BZW1: variants seen among roughly 807,000 people sequenced by gnomAD.
BZW1 encodes the protein eIF5-mimic protein 2.
BZW1 carries 3 observed loss-of-function variants against 54.1 expected under a neutral mutation model. The ratio of observed to expected loss-of-function variants is 0.06; its 90% CI spans 0.03 to 0.14. The LOEUF (loss-of-function observed/expected upper bound fraction) is 0.14. Among genes scored for constraint, BZW1 ranks in the 10% least tolerant of loss-of-function variants. BZW1 has a pLI of 1.00. For missense variants in BZW1, 206 were observed against 491.7 expected, an observed-to-expected ratio of 0.42 and a Z score of 5.50; for synonymous variants, 152 against 162.7, an observed-to-expected ratio of 0.93 and a Z score of 0.50.
In BZW1 at chr2:200,812,591, T is replaced by C. The variant is rs1426000899; in HGVS notation, c.-11+601T>C. 1.5e-5 allele frequency: 21 copies of C among 1,391,930 alleles called. No homozygotes were observed. The East Asian group carries it at 4.8e-4, about 32-fold the overall frequency. 86.2% of individuals were successfully genotyped at this position (1,391,930 alleles called of 1,614,324 possible). ...TGATCTGTGGCTCGGGCGGGAGGCATGGGAAGGGTGTGGATTGGGAGACAC... is the reference window on the plus strand; with the variant it reads ...TGATCTGTGGCTCGGGCGGGAGGCACGGGAAGGGTGTGGATTGGGAGACAC... On this transcript the variant is annotated intron_variant, in intron 1 of 11. Transcript: ENST00000409600.
At chr2:200,813,020 A>C (rs1442046707) in intron 1 of BZW1, 188 bp from the exon 2 acceptor site, 1 of 695,320 alleles carries the variant, frequency 1.4e-6, no homozygotes, top group Non-Finnish European at 2.7e-6. Context: ...AGAGAAATGC[A>C]CATTTTGACG....
At chr2:200,812,418 C>T (rs953128957) in intron 1 of BZW1, 76 of 1,279,744 alleles carry the variant, frequency 5.9e-5, no homozygotes, top group Non-Finnish European at 7.1e-5. Context: ...ATGTACGGGG[C>T]GCCTGGGGCC....
intron 1 of BZW1, chr2:200,812,450 A>G: frequency 7.5e-7 from 1 of 1,329,102 alleles, no homozygotes; most frequent in Non-Finnish European, 9.6e-7. Context: ...CGCCTCAGTG[A>G]CTGTGGTCCG....
chr2:200,820,528 A>G (rs2105703266), intron 10 of BZW1, among the ~76,000 whole-genome samples: 1 of 152,290 alleles, frequency 6.6e-6, no homozygotes, highest in East Asian at 1.9e-4. Flanking sequence ...AAAAAAATAA[A>G]AAATTAGGCA....
intron 9 of BZW1, 91 bp downstream of exon 9, chr2:200,818,992 A>G: frequency 1.4e-6 from 2 of 1,427,452 alleles, no homozygotes; most frequent in Non-Finnish European, 1.9e-6. Context: ...AGGATTTATC[A>G]CATCCTGTGG....
chr2:200,816,967 A>G (rs2038319053), intron 5 of BZW1, 139 bp from the exon 6 acceptor site: 1 of 997,384 alleles, frequency 1.0e-6, no homozygotes, highest in East Asian at 2.6e-5. Context: ...GCTAATGAGT[A>G]TTGTAACTTA....
rs192695371 is a variant in BZW1, at chr2:200,821,441, G to A, written c.1228+136G>A. The stretch of plus-strand genomic sequence containing the variant: ...AGATTTTTGTTATAAGGCAGGTGGC[G>A]AAAGCTAGAGTTTAATTATTATAGT... On this transcript the variant is annotated intron_variant, in intron 11 of 11. Coordinates refer to ENST00000409600, the MANE Select transcript of BZW1 (RefSeq NM_001207067.2). 49 of 971,772 alleles carry A rather than the reference G, an allele frequency of 5.0e-5. No homozygotes were observed. The Middle Eastern group carries it at 1.9e-3, about 38-fold the overall frequency. 60.2% of individuals were successfully genotyped at this position (971,772 alleles called of 1,614,324 possible). A position where few individuals can be genotyped will look rare whatever the true frequency, so the allele number is the denominator to read the frequency against.
Position 200,826,547 on chromosome 2 carries a change from C to T in BZW1, c.*4369C>T, listed in dbSNP as rs1286872399. On this transcript the variant is annotated 3_prime_UTR_variant, in exon 12 of 12. Coordinates refer to ENST00000409600, the MANE Select transcript of BZW1 (RefSeq NM_001207067.2). ...TCACACCATTCTCCTGTCTCAGCCT[C>T]CTAGCTGGGATTACAGGCGCCCACC... 2.6e-5 allele frequency: 4 copies of T among 151,064 alleles called. No individual in the cohort carries two copies. The highest frequency in any genetic ancestry group is 9.7e-5 in the African/African-American group (4 of 41,060). The allele number at this position is 151,064 out of a possible 1,614,324, so 9.4% of individuals were successfully genotyped here. A position where few individuals can be genotyped will look rare whatever the true frequency, so the allele number is the denominator to read the frequency against.
intron 6 of BZW1, 119 bp downstream of exon 6, chr2:200,817,360 T>G (rs1247193143): frequency 6.2e-6 from 8 of 1,290,266 alleles, no homozygotes; most frequent in Non-Finnish European, 8.6e-6. Context: ...GCCTTAAATT[T>G]AATAAGTTCA....
Position 200,821,202 on chromosome 2 carries a change from G to C in BZW1, c.1125G>C (p.Glu375Asp). ...LFYKAEVLSE[E>D]PILKWYKDAH... ...TTCCAGCTGAAGTCCTGAGCGAGGA[G>C]CCCATTTTGAAGTGGTATAAAGATG... The change falls in exon 11 of 12, where the codon GAG (glutamate) becomes GAC (aspartate). Residue 375 changes from glutamate to aspartate, a missense_variant. By Grantham distance (45) the Glu-to-Asp change is conservative. This residue lies in a region of BZW1 where 60 missense variants were observed against 151.8 expected (regional missense o/e 0.40). Transcript: ENST00000409600. The C allele has an allele frequency of 6.2e-7, 1 of 1,611,742 alleles. No homozygotes were observed. Among genetic ancestry groups the C allele is most frequent in the Non-Finnish European group, 8.5e-7 (1 of 1,179,580 alleles).
intron 1 of BZW1, chr2:200,812,639 CTG>C: frequency 7.8e-7 from 1 of 1,282,146 alleles, no homozygotes; most frequent in South Asian, 1.5e-5. Context: ...GAGGCTAGGA[CTG>C]TGGGATATGG....
intron 9 of BZW1, among the ~76,000 whole-genome samples, chr2:200,819,709 T>C (rs747042432): frequency 7.9e-5 from 12 of 152,062 alleles, no homozygotes; most frequent in Non-Finnish European, 1.8e-4. Flanking sequence ...CTAATTTTTG[T>C]ATTTTTAGTA....
chr2:200,817,531 G>A (rs2038338548), intron 6 of BZW1, among the ~76,000 whole-genome samples: 2 of 152,274 alleles, frequency 1.3e-5, no homozygotes, highest in South Asian at 4.1e-4. Flanking sequence ...AATACCAATT[G>A]GGAGACTTGG....
At chr2:200,815,801 A>C (rs573297991) in intron 4 of BZW1, 40 bp downstream of exon 4, 1 of 1,449,430 alleles carries the variant, frequency 6.9e-7, no homozygotes, top group African/African-American at 1.4e-5. Flanking sequence ...GTTGGCTACT[A>C]TCCATGTGGT....
At chr2:200,816,169 A>T (rs2038282218) in intron 4 of BZW1, among the ~76,000 whole-genome samples, 156 bp from the exon 5 acceptor site, 1 of 152,258 alleles carries the variant, frequency 6.6e-6, no homozygotes, top group African/African-American at 2.4e-5. Context: ...TAAGCAAAGA[A>T]TTAAAGTACA....
intron 1 of BZW1, chr2:200,812,397 A>G (rs1343771464): frequency 7.8e-7 from 1 of 1,279,822 alleles, no homozygotes; most frequent in Non-Finnish European, 9.9e-7. Flanking sequence ...CTTTCGCTGG[A>G]GGGCGGGCGG....
upstream of BZW1, chr2:200,811,871 G>C (rs1397936172): frequency 5.4e-6 from 1 of 186,682 alleles, no homozygotes; most frequent in Non-Finnish European, 1.1e-5. Context: ...TAGGAGAGCG[G>C]TCCGGGCGGG....
At chr2:200,817,706 AAC>A (rs1373844043) in intron 6 of BZW1, among the ~76,000 whole-genome samples, 3 of 152,190 alleles carry the variant, frequency 2.0e-5, no homozygotes, top group Non-Finnish European at 1.5e-5. Flanking sequence ...TAATTCTCAC[AAC>A]AGTCTTGTCA....
At position 200,812,459 on chromosome 2, in the gene BZW1, C is replaced by A; in HGVS notation, c.-11+469C>A. 5 of 1,339,258 alleles carry A rather than the reference C, an allele frequency of 3.7e-6. No individual in the cohort carries two copies. The South Asian group carries it at 9.7e-5, about 26-fold the overall frequency. The allele number at this position is 1,339,258 out of a possible 1,614,324, so 83.0% of individuals were successfully genotyped here. On this transcript the variant is annotated intron_variant, in intron 1 of 11. Coordinates refer to ENST00000409600, the MANE Select transcript of BZW1 (RefSeq NM_001207067.2). ...GCAAAGCGCCTCAGTGACTGTGGTC[C>A]GCTCGTTGCGGCGGCCGCCACCGCA... is the stretch of plus-strand genomic sequence containing the variant.
Sources: gnomAD v4.1 joint callset for allele counts (sites outside exome capture counted in the v4.1 genomes callset) on GRCh38, gnomAD v4.1.1 for gene constraint, gnomAD v4.1.1 regional missense constraint, MANE v1.5 for transcripts, NCBI Gene and HGNC (gene_info 2026-07-23, HGNC 2026-07-21) for gene names.